Variants in POLA1 observed in about 807,000 individuals in gnomAD.
POLA1 encodes the protein DNA polymerase alpha catalytic subunit.
POLA1 carries 15 observed loss-of-function variants against 124.0 expected under a neutral mutation model. The ratio of observed to expected loss-of-function variants is 0.12; its 90% CI spans 0.08 to 0.19. The LOEUF (loss-of-function observed/expected upper bound fraction) is 0.19, where lower values mean the gene tolerates loss of function less well. POLA1 is among the 10% of genes least tolerant of loss of function. The pLI is 1.00. For missense variants in POLA1, 886 were observed against 1,103.4 expected, an observed-to-expected ratio of 0.80 and a Z score of 2.79; for synonymous variants, 408 against 389.4, an observed-to-expected ratio of 1.05 and a Z score of -0.56.
At chrX:24,978,414 A>C (rs770169805) in intron 36 of POLA1, among the ~76,000 whole-genome samples, 1 of 111,826 alleles carries the variant, frequency 8.9e-6, no homozygotes, top group South Asian at 3.8e-4. Context: ...TATTCCACCC[A>C]GGTCAAATTT....
chrX:24,978,411 C>G (rs12010375), intron 36 of POLA1, among the ~76,000 whole-genome samples: 4,437 of 111,436 alleles, frequency 0.04, 224 homozygotes, highest in African/African-American at 0.14. Flanking sequence ...TCATATTCCA[C>G]CCAGGTCAAA....
At chrX:24,847,826 T>A (rs1038645138) in intron 34 of POLA1, among the ~76,000 whole-genome samples, 6 of 112,320 alleles carry the variant, frequency 5.3e-5, no homozygotes, top group African/African-American at 1.9e-4. Flanking sequence ...TTTCCTTAAA[T>A]TTTTTTACAT....
chrX:24,919,833 TTTTGTTTTTCTG>T (rs2047589595), intron 35 of POLA1, among the ~76,000 whole-genome samples: 2 of 82,465 alleles, frequency 2.4e-5, no homozygotes, highest in African/African-American at 1.0e-4. Context: ...TTTTTTTTTG[TTTTGTTTTTCTG>T]TTTTTTTTTT....
At chrX:24,828,803 G>A (rs1353467856) in intron 32 of POLA1, among the ~76,000 whole-genome samples, 1 of 111,646 alleles carries the variant, frequency 9.0e-6, no homozygotes, top group Non-Finnish European at 1.9e-5. Context: ...AAAGGGTGAT[G>A]GAGCCTGCTT....
intron 36 of POLA1, among the ~76,000 whole-genome samples, chrX:24,992,368 A>C (rs917582596): frequency 8.9e-6 from 1 of 112,276 alleles, no homozygotes; most frequent in Non-Finnish European, 1.9e-5. Flanking sequence ...CAATTAAAAA[A>C]CTGACTGAAA....
chrX:24,748,923 C>T lies in POLA1; in HGVS notation c.2895C>T (p.Cys965=). ...TCACAGCGAACAGTATGTATGGTTG[C>T]CTGGGATTTTCCTATAGCAGATTTT... ...LKLTANSMYG[C]LGFSYSRFYA... is the part of the protein sequence containing the mutation. Residue 965 remains cysteine, a synonymous_variant, in exon 26 of 37, where the codon TGC becomes TGT. Coordinates refer to ENST00000379068, the MANE Select transcript of POLA1 (RefSeq NM_001330360.2). The T allele has an allele frequency of 8.3e-7, 1 of 1,205,099 alleles. No homozygotes were observed. The highest frequency in any genetic ancestry group is 1.1e-6 in the Non-Finnish European group (1 of 889,544).
At chrX:24,739,076 T>C (rs1468564199) in intron 19 of POLA1, among the ~76,000 whole-genome samples, 1 of 111,397 alleles carries the variant, frequency 9.0e-6, no homozygotes, top group African/African-American at 3.3e-5. Flanking sequence ...CTCACCCTGC[T>C]GTTTTCCCAT....
intron 34 of POLA1, among the ~76,000 whole-genome samples, chrX:24,876,189 A>G (rs2046928838): frequency 8.9e-6 from 1 of 112,188 alleles, no homozygotes; most frequent in African/African-American, 3.2e-5. Context: ...TTTTCAGCAC[A>G]TTGGTGATAT....
At chrX:24,821,672 C>T in intron 31 of POLA1, 89 bp downstream of exon 31, 1 of 673,151 alleles carries the variant, frequency 1.5e-6, no homozygotes, top group African/African-American at 2.2e-5. Context: ...TAGCATTCTC[C>T]CCAATAATTG....
At chrX:24,981,957 A>G (rs1033932093) in intron 36 of POLA1, among the ~76,000 whole-genome samples, 1 of 111,941 alleles carries the variant, frequency 8.9e-6, no homozygotes, top group Non-Finnish European at 1.9e-5. Context: ...TCTGCATGCA[A>G]TGCTAAACTT....
At chrX:24,891,719 G>A (rs1014563954) in intron 35 of POLA1, among the ~76,000 whole-genome samples, 8 of 111,675 alleles carry the variant, frequency 7.2e-5, no homozygotes, top group Admixed American at 3.8e-4. Context: ...TAGGCACTTT[G>A]CTAGGTGCTA....
intron 36 of POLA1, among the ~76,000 whole-genome samples, chrX:24,940,448 G>A (rs2047898897): frequency 9.0e-6 from 1 of 111,597 alleles, no homozygotes; most frequent in South Asian, 3.8e-4. Flanking sequence ...GGAGGAAAGG[G>A]CTTGTAATAC....
chrX:24,884,870 T>TTA (rs955990280), intron 34 of POLA1, among the ~76,000 whole-genome samples: 3 of 112,103 alleles, frequency 2.7e-5, no homozygotes, highest in African/African-American at 9.7e-5. Context: ...TTAATGTTAA[T>TTA]TATAACTGGT....
At chrX:24,915,111 C>G in intron 35 of POLA1, among the ~76,000 whole-genome samples, 1 of 111,620 alleles carries the variant, frequency 9.0e-6, no homozygotes, top group South Asian at 3.8e-4. Flanking sequence ...GGTGGGACCT[C>G]CTTACAGGCC....
intron 36 of POLA1, among the ~76,000 whole-genome samples, chrX:24,967,236 A>G (rs1373990449): frequency 2.0e-5 from 2 of 97,944 alleles, no homozygotes; most frequent in Non-Finnish European, 4.1e-5. Context: ...TTTTTTTTTT[A>G]GGTACAAGTA....
At chrX:24,877,920 T>A (rs944069142) in intron 34 of POLA1, among the ~76,000 whole-genome samples, 1 of 108,621 alleles carries the variant, frequency 9.2e-6, no homozygotes, top group Admixed American at 9.9e-5. Context: ...TTTTTGTTTT[T>A]TTTTTTGTTT....
chrX:24,917,560 A>G (rs2047552914), intron 35 of POLA1, among the ~76,000 whole-genome samples: 1 of 112,067 alleles, frequency 8.9e-6, no homozygotes, highest in Non-Finnish European at 1.9e-5. Context: ...CTCTACCGTG[A>G]TTCAGTAACT....
intron 36 of POLA1, among the ~76,000 whole-genome samples, chrX:24,954,501 A>C (rs1390760850): frequency 8.9e-6 from 1 of 112,391 alleles, no homozygotes; most frequent in Non-Finnish European, 1.9e-5. Flanking sequence ...GCCTCATTTA[A>C]TTTCATACAT....
intron 12 of POLA1, among the ~76,000 whole-genome samples, 185 bp downstream of exon 12, chrX:24,724,636 T>C (rs1390442143): frequency 8.9e-6 from 1 of 112,655 alleles, no homozygotes; most frequent in Non-Finnish European, 1.9e-5. Flanking sequence ...TTTTTCTTTC[T>C]CTTTAAACTG....
Sources: gnomAD v4.1 joint callset for allele counts (sites outside exome capture counted in the v4.1 genomes callset) on GRCh38, gnomAD v4.1.1 for gene constraint, MANE v1.5 for transcripts, NCBI Gene and HGNC (gene_info 2026-07-23, HGNC 2026-07-21) for gene names.